Variants in CHMP6 observed in about 807,000 individuals in gnomAD.
The protein encoded by CHMP6 is chromatin-modifying protein 6.
In CHMP6, 10 loss-of-function variants were observed where a neutral mutation model predicts 32.8. The observed-to-expected ratio is 0.30, with a 90% CI of 0.19 to 0.52. The LOEUF (loss-of-function observed/expected upper bound fraction) is 0.52, where lower values mean the gene tolerates loss of function less well. CHMP6 is among the 20% of genes least tolerant of loss of function. The pLI, the probability that CHMP6 is intolerant of heterozygous loss-of-function variation, is 0.97. For synonymous variants in CHMP6, 123 were observed against 105.8 expected (o/e 1.16, Z -1.00); for missense variants, 269 against 263.8 (o/e 1.02, Z -0.14).
At chr17:80,995,615 C>T (rs1009056737) in intron 3 of CHMP6, 57 bp from the exon 4 acceptor site, 13 of 1,504,452 alleles carry the variant, frequency 8.6e-6, no homozygotes, top group South Asian at 5.7e-5. Context: ...GCCCCAGGGC[C>T]GGGAGGAGGG....
At chr17:80,993,676 A>G (rs1317371457) in intron 1 of CHMP6, among the ~76,000 whole-genome samples, 1 of 152,230 alleles carries the variant, frequency 6.6e-6, no homozygotes, top group Admixed American at 6.5e-5. Flanking sequence ...CTGATAGAGC[A>G]GGACTGGCTG....
At chr17:80,998,627 G>C (rs745884974) in intron 7 of CHMP6, 1 of 1,434,438 alleles carries the variant, frequency 7.0e-7, no homozygotes, top group Admixed American at 2.8e-5. Context: ...CCTCATAAGA[G>C]AGCCATACCC....
intron 1 of CHMP6, among the ~76,000 whole-genome samples, chr17:80,992,510 G>A (rs2069601784): frequency 6.6e-6 from 1 of 152,232 alleles, no homozygotes; most frequent in South Asian, 2.1e-4. Context: ...ATCCAGGCCA[G>A]GACTGGAAGG....
intron 3 of CHMP6, 69 bp from the exon 4 acceptor site, chr17:80,995,603 C>T (rs1234386316): frequency 1.4e-6 from 2 of 1,415,316 alleles, no homozygotes; most frequent in East Asian, 2.3e-5. Flanking sequence ...ATCCTGAACC[C>T]TGCCCCAGGG....
At chr17:80,992,003 C>T (rs113288581) in intron 1 of CHMP6, 22 bp downstream of exon 1, 1 of 1,405,572 alleles carries the variant, frequency 7.1e-7, no homozygotes. Flanking sequence ...GGCCCGGGGT[C>T]AGGGCTGGGG....
In CHMP6 at chr17:80,992,001, G is replaced by A; in HGVS notation, c.63+20G>A. 7.1e-7 allele frequency: 1 copy of A among 1,407,428 alleles called. No homozygotes were observed. The highest frequency in any genetic ancestry group is 9.4e-7 in the Non-Finnish European group (1 of 1,067,770). The allele number at this position is 1,407,428 out of a possible 1,614,324, so 87.2% of individuals were successfully genotyped here. A position where few individuals can be genotyped will look rare whatever the true frequency, so the allele number is the denominator to read the frequency against. ...ATCCTGGTGAGGGCCCGGGCCCGGG[G>A]TCAGGGCTGGGGCCGGGACAGGCGA... On this transcript the variant is annotated intron_variant, in intron 1 of 7. Transcript: ENST00000325167.
chr17:80,999,438 C>T lies in CHMP6; in HGVS notation c.*285C>T. 1 of 444,930 alleles carries T rather than the reference C, an allele frequency of 2.2e-6. No individual in the cohort carries two copies. The highest frequency in any genetic ancestry group is 4.2e-6 in the Non-Finnish European group (1 of 239,786). The allele number at this position is 444,930 out of a possible 1,614,324, so 27.6% of individuals were successfully genotyped here. A position where few individuals can be genotyped will look rare whatever the true frequency, so the allele number is the denominator to read the frequency against. On this transcript the variant is annotated 3_prime_UTR_variant, in exon 8 of 8. Transcript: ENST00000325167. ...GCTCCCCCGGTGGCCGAGGCCCAGG[C>T]CCAACGCCTCTGGTGCTGTTCCCCT... is the stretch of plus-strand genomic sequence containing the variant.
chr17:80,992,852 T>G (rs567487066), intron 1 of CHMP6, among the ~76,000 whole-genome samples: 1 of 152,372 alleles, frequency 6.6e-6, no homozygotes, highest in Admixed American at 6.5e-5. Flanking sequence ...ATGCTTTCTT[T>G]TCTAAATTTT....
rs759621441 is a variant in CHMP6 at position 80,997,309 on chromosome 17, G to A, written c.463G>A (p.Ala155Thr). 15 of 1,424,474 alleles carry A rather than the reference G, an allele frequency of 1.1e-5. No individual in the cohort carries two copies. The East Asian group carries it at 4.1e-4, about 39-fold the overall frequency. The allele number at this position is 1,424,474 out of a possible 1,614,324, so 88.2% of individuals were successfully genotyped here. ...AGSFTQEDEDAILEELSAITQ... is the reference protein window; with the variant it reads ...AGSFTQEDEDTILEELSAITQ... ...AAGCTTCACTCAGGAGGATGAAGACGCCATCCTGGAGGAGCTGAGCGCAAT... is the reference window on the plus strand; with the variant it reads ...AAGCTTCACTCAGGAGGATGAAGACACCATCCTGGAGGAGCTGAGCGCAAT... The change falls in exon 6 of 8, where the codon GCC becomes ACC. Residue 155 changes from alanine to threonine, a missense_variant. Transcript: ENST00000325167.
At chr17:80,993,241 T>C (rs2069608163) in intron 1 of CHMP6, among the ~76,000 whole-genome samples, 1 of 151,814 alleles carries the variant, frequency 6.6e-6, no homozygotes, top group Non-Finnish European at 1.5e-5. Flanking sequence ...AACAGCATCC[T>C]TAGCACACAC....
chr17:80,991,873 G>C lies in CHMP6; in HGVS notation c.-46G>C, dbSNP rs2069594290. 1 of 1,349,668 alleles carries C rather than the reference G, an allele frequency of 7.4e-7. No individual in the cohort carries two copies. The highest frequency in any genetic ancestry group is 1.5e-5 in the African/African-American group (1 of 66,550). 83.6% of individuals were successfully genotyped at this position (1,349,668 alleles called of 1,614,324 possible). A position where few individuals can be genotyped will look rare whatever the true frequency, so the allele number is the denominator to read the frequency against. On this transcript the variant is annotated 5_prime_UTR_variant, in exon 1 of 8. Transcript: ENST00000325167. ...GAGCTACGGTGGCCGCGGGGCGGCG[G>C]TGGCGATTGGACTTGGTGGGTCCCG...
At chr17:80,998,962 C>G in intron 7 of CHMP6, 136 bp from the exon 8 acceptor site, 2 of 984,314 alleles carry the variant, frequency 2.0e-6, no homozygotes. Context: ...ACTTGCCTCC[C>G]CCAGAGCTGG....
intron 1 of CHMP6, 97 bp from the exon 2 acceptor site, chr17:80,994,484 C>A: frequency 4.6e-6 from 5 of 1,091,328 alleles, no homozygotes; most frequent in Non-Finnish European, 6.5e-6. Flanking sequence ...GAAGGACACT[C>A]ACGGAGGGCC....
At position 80,999,894 on chromosome 17, in the gene CHMP6, G is replaced by A. The variant is rs977779171; in HGVS notation, c.*741G>A. 4 of 152,276 alleles carry A rather than the reference G, an allele frequency of 2.6e-5. No individual in the cohort carries two copies. Among genetic ancestry groups the A allele is most frequent in the African/African-American group, 4.8e-5 (2 of 41,450 alleles). 9.4% of individuals were successfully genotyped at this position (152,276 alleles called of 1,614,324 possible). A position where few individuals can be genotyped will look rare whatever the true frequency, so the allele number is the denominator to read the frequency against. On this transcript the variant is annotated 3_prime_UTR_variant, in exon 8 of 8. Transcript: ENST00000325167. ...GAAGTTTGTCCATGGGGGTCCCCGCGGCTGGGGCTCATGGAACTGCGAGAC... is the reference window on the plus strand; with the variant it reads ...GAAGTTTGTCCATGGGGGTCCCCGCAGCTGGGGCTCATGGAACTGCGAGAC...
intron 1 of CHMP6, 101 bp from the exon 2 acceptor site, chr17:80,994,480 C>A: frequency 2.0e-6 from 2 of 984,956 alleles, no homozygotes; most frequent in African/African-American, 1.7e-5. Context: ...CCATGAAGGA[C>A]ACTCACGGAG....
At chr17:80,997,614 C>T (rs771261353) in intron 6 of CHMP6, among the ~76,000 whole-genome samples, 13 of 152,116 alleles carry the variant, frequency 8.5e-5, no homozygotes, top group Middle Eastern at 3.2e-3. Context: ...CCGGCTGTCA[C>T]GGATGTGGTG....
At chr17:80,997,741 CAG>C (rs762965056) in intron 6 of CHMP6, among the ~76,000 whole-genome samples, 28 of 152,278 alleles carry the variant, frequency 1.8e-4, no homozygotes, top group Non-Finnish European at 3.5e-4. Flanking sequence ...CTCCCCGACA[CAG>C]GGGTTGTCCT....
In CHMP6 at chr17:80,994,214, G is replaced by A. The variant is rs548135645; in HGVS notation, c.64-367G>A. ...CAGGCGTGAGCCACTGCGCCCAGCC[G>A]AGTCCAAACCTTTGAGGTCCTGGCA... is the stretch of plus-strand genomic sequence containing the variant. On this transcript the variant is annotated intron_variant, in intron 1 of 7. Transcript: ENST00000325167. Among the ~76,000 whole-genome samples the A allele has an allele frequency of 4.6e-5, 7 of 152,278 alleles. No homozygotes were observed. In the East Asian group the frequency reaches 7.7e-4, roughly 17 times the overall value.
chr17:80,991,940 A>G lies in CHMP6; in HGVS notation c.22A>G (p.Lys8Glu). ...CGCCATGGGTAACCTGTTCGGCCGC[A>G]AGAAGCAGAGCCGCGTCACGGAGCA... The part of the protein sequence containing the change: MGNLFGR[K>E]KQSRVTEQDK... Residue 8 changes from lysine (K) to glutamate (E), a missense_variant, in exon 1 of 8, where the codon AAG becomes GAG. Coordinates refer to ENST00000325167, the MANE Select transcript of CHMP6 (RefSeq NM_024591.5). 1 of 1,468,106 alleles carries G rather than the reference A, an allele frequency of 6.8e-7. No individual in the cohort carries two copies. Among genetic ancestry groups the G allele is most frequent in the Non-Finnish European group, 9.1e-7 (1 of 1,103,810 alleles). The allele number at this position is 1,468,106 out of a possible 1,614,324, so 90.9% of individuals were successfully genotyped here.
Sources: gnomAD v4.1 joint callset for allele counts (sites outside exome capture counted in the v4.1 genomes callset) on GRCh38, gnomAD v4.1.1 for gene constraint, MANE v1.5 for transcripts, NCBI Gene and HGNC (gene_info 2026-07-23, HGNC 2026-07-21) for gene names.